Variants in KAZN observed in about 807,000 individuals in gnomAD.
The protein encoded by KAZN is kazrin.
A neutral mutation model predicts 87.4 loss-of-function variants in KAZN; 40 were observed. The observed-to-expected ratio is 0.46, with a 90% CI of 0.36 to 0.60. The LOEUF is 0.60. KAZN is among the 20% of genes least tolerant of loss of function. KAZN has a pLI of 0.00. For missense variants in KAZN, 898 were observed against 1,073.9 expected (o/e 0.84, Z 2.29); for synonymous variants, 466 against 458.3 (o/e 1.02, Z -0.22).
intron 2 of KAZN, among the ~76,000 whole-genome samples, chr1:14,212,436 G>A (rs1297362142): frequency 2.0e-5 from 3 of 149,588 alleles, no homozygotes; most frequent in Non-Finnish European, 3.0e-5. Flanking sequence ...TCAAAAAGAC[G>A]ACTAGCTCTT....
At chr1:14,929,476 A>G (rs1345287277) in intron 1 of KAZN, among the ~76,000 whole-genome samples, 1 of 152,148 alleles carries the variant, frequency 6.6e-6, no homozygotes, top group Non-Finnish European at 1.5e-5. Flanking sequence ...CATTTTTTAA[A>G]TCATCTCAAG....
At chr1:14,875,872 T>A (rs1177185757) in intron 1 of KAZN, among the ~76,000 whole-genome samples, 2 of 152,206 alleles carry the variant, frequency 1.3e-5, no homozygotes, top group African/African-American at 2.4e-5. Flanking sequence ...AATTTCCTGC[T>A]TTCCTGGAAG....
chr1:14,598,715 C>T lies in KAZN; in HGVS notation c.-283C>T. The T allele has an allele frequency of 7.6e-7, 1 of 1,318,284 alleles. No individual in the cohort carries two copies. Among genetic ancestry groups the T allele is most frequent in the Non-Finnish European group, 9.6e-7 (1 of 1,042,396 alleles). 81.7% of individuals were successfully genotyped at this position (1,318,284 alleles called of 1,614,324 possible). A position where few individuals can be genotyped will look rare whatever the true frequency, so the allele number is the denominator to read the frequency against. On this transcript the variant is annotated 5_prime_UTR_variant, in exon 1 of 15. Transcript: ENST00000376030. The surrounding 1 kb of genome is among the most constrained non-coding windows in gnomAD (Gnocchi z 4.2). ...TGGAGCAGCTCTCGGCGCCCGCCCG[C>T]CGGGGTCTCGGCGATCGCTGCTCCT...
chr1:15,109,874 T>A (rs547662968), intron 13 of KAZN, among the ~76,000 whole-genome samples: 1 of 152,018 alleles, frequency 6.6e-6, no homozygotes, highest in African/African-American at 2.4e-5. Context: ...TATGTGTGTA[T>A]GTGCATGTGT....
chr1:14,480,196 G>A (rs1668992516), intron 2 of KAZN, among the ~76,000 whole-genome samples: 1 of 152,242 alleles, frequency 6.6e-6, no homozygotes. Flanking sequence ...GCAGGCACCT[G>A]CCATGGAGCA....
chr1:14,021,732 G>A (rs995582038), intron 1 of KAZN, among the ~76,000 whole-genome samples: 1 of 152,138 alleles, frequency 6.6e-6, no homozygotes, highest in Non-Finnish European at 1.5e-5. Context: ...TGATCTTGTG[G>A]AAAGACCCAA....
chr1:15,084,313 G>A (rs914197238), intron 8 of KAZN, among the ~76,000 whole-genome samples: 10 of 152,242 alleles, frequency 6.6e-5, no homozygotes, highest in Non-Finnish European at 1.2e-4. Context: ...AGTGCCAGCA[G>A]GAAGCAGTGT....
intron 1 of KAZN, among the ~76,000 whole-genome samples, chr1:14,711,725 A>C (rs1642497098): frequency 6.6e-6 from 1 of 152,216 alleles, no homozygotes. Context: ...GAGTTCTGCC[A>C]GCCTTCAGGT....
chr1:14,432,979 T>C (rs913748358), intron 2 of KAZN, among the ~76,000 whole-genome samples: 4 of 152,110 alleles, frequency 2.6e-5, no homozygotes, highest in African/African-American at 9.7e-5. Flanking sequence ...TGTATGTATA[T>C]GTATAGTTGT....
chr1:14,799,340 T>C (rs1223666980), intron 1 of KAZN, among the ~76,000 whole-genome samples: 1 of 152,242 alleles, frequency 6.6e-6, no homozygotes, highest in Non-Finnish European at 1.5e-5. Flanking sequence ...GGTATTTTCA[T>C]CTCTTCATCC....
chr1:14,693,470 T>C lies in KAZN; in HGVS notation c.226+94247T>C, dbSNP rs538530982. 5.3e-5 allele frequency among the ~76,000 whole-genome samples: 8 copies of C among 152,348 alleles called. No individual in the cohort carries two copies. In the South Asian group the frequency reaches 1.7e-3, roughly 32 times the overall value. On this transcript the variant is annotated intron_variant, in intron 1 of 14. Transcript: ENST00000376030. Reference sequence around the variant, plus strand: ...AGAGGGAAATTCTTAAATCAGCTCATGCTGGACTCGTCTTACGTTGTTTTA... The same window carrying C: ...AGAGGGAAATTCTTAAATCAGCTCACGCTGGACTCGTCTTACGTTGTTTTA...
At chr1:14,729,619 C>T (rs954149434) in intron 1 of KAZN, among the ~76,000 whole-genome samples, 26 of 152,152 alleles carry the variant, frequency 1.7e-4, no homozygotes, top group Admixed American at 1.4e-3. Flanking sequence ...ACTGGGGAAG[C>T]GTTCACTTTT....
rs1452833776 is a variant in KAZN, at chr1:15,099,075, G to T, written c.1548-2468G>T. ...ATCTTGGAAGGCTTCCGGGAGACCA[G>T]ACGTCTCTGCAGAGTCCATAGGAGT... is the stretch of plus-strand genomic sequence containing the variant. On this transcript the variant is annotated intron_variant, in intron 10 of 14. Coordinates refer to ENST00000376030, the MANE Select transcript of KAZN (RefSeq NM_201628.3). The surrounding 1 kb of genome is among the most constrained non-coding windows in gnomAD (Gnocchi z 5.4). 6.6e-6 allele frequency among the ~76,000 whole-genome samples: 1 copy of T among 152,184 alleles called. No homozygotes were observed. Among genetic ancestry groups the T allele is most frequent in the Admixed American group, 6.5e-5 (1 of 15,274 alleles).
chr1:14,818,099 T>C (rs1007462345), intron 1 of KAZN, among the ~76,000 whole-genome samples: 1 of 152,214 alleles, frequency 6.6e-6, no homozygotes, highest in Non-Finnish European at 1.5e-5. Flanking sequence ...TCCCCTCTTA[T>C]TCCCCCGCCC....
chr1:14,585,384 A>G (rs1405231935), intron 2 of KAZN, among the ~76,000 whole-genome samples: 4 of 152,212 alleles, frequency 2.6e-5, no homozygotes, highest in African/African-American at 9.7e-5. Flanking sequence ...GGATCTGCAC[A>G]ATGGCAGGAC....
At chr1:14,279,801 G>A (rs1453195240) in intron 2 of KAZN, among the ~76,000 whole-genome samples, 1 of 152,198 alleles carries the variant, frequency 6.6e-6, no homozygotes, top group Non-Finnish European at 1.5e-5. Context: ...CACTGAGCAA[G>A]ATGAGCCTCA....
chr1:14,592,751 T>C (rs1676279252), intron 2 of KAZN, among the ~76,000 whole-genome samples: 1 of 152,200 alleles, frequency 6.6e-6, no homozygotes, highest in African/African-American at 2.4e-5. Context: ...CATGAGAGTT[T>C]CTCAGGGCAC....
chr1:13,958,585 AAAAATT>A (rs1314866139), intron 1 of KAZN, among the ~76,000 whole-genome samples: 1 of 151,694 alleles, frequency 6.6e-6, no homozygotes, highest in Non-Finnish European at 1.5e-5. Context: ...AAAAAAAAAA[AAAAATT>A]AAAAATTAAC....
intron 1 of KAZN, among the ~76,000 whole-genome samples, chr1:13,975,582 G>T (rs12024854): frequency 0.13 from 19,542 of 152,214 alleles, 1,409 homozygotes; most frequent in South Asian, 0.2. Context: ...TGAGTCCCCA[G>T]TGCTGAGTAA....
Sources: gnomAD v4.1 joint callset for allele counts (sites outside exome capture counted in the v4.1 genomes callset) on GRCh38, gnomAD v4.1.1 for gene constraint, Gnocchi (gnomAD v3.1) non-coding constraint, MANE v1.5 for transcripts, NCBI Gene and HGNC (gene_info 2026-07-23, HGNC 2026-07-21) for gene names.